TRAM2: variants seen among roughly 807,000 people sequenced by gnomAD.
TRAM2 encodes the protein translocating chain-associated membrane protein 2.
Under a neutral mutation model 51.0 loss-of-function variants are expected in TRAM2, and 12 were observed. The ratio of observed to expected loss-of-function variants is 0.24; its 90% CI spans 0.15 to 0.38. The LOEUF (loss-of-function observed/expected upper bound fraction) is 0.38. TRAM2 is among the 10% of genes least tolerant of loss of function. The pLI is 1.00. For synonymous variants in TRAM2, 175 were observed against 179.4 expected, an observed-to-expected ratio of 0.98 and a Z score of 0.20; for missense variants, 361 against 462.0, an observed-to-expected ratio of 0.78 and a Z score of 2.00.
chr6:52,515,421 C>G (rs914521704), intron 4 of TRAM2, among the ~76,000 whole-genome samples: 5 of 152,186 alleles, frequency 3.3e-5, no homozygotes, highest in Non-Finnish European at 5.9e-5. Flanking sequence ...ATTGTCTGGT[C>G]CTGCAGGCAT....
At chr6:52,517,030 G>A in intron 2 of TRAM2, 1 of 346,854 alleles carries the variant, frequency 2.9e-6, no homozygotes, top group South Asian at 3.4e-5. Flanking sequence ...CAGGGTTAGA[G>A]ACCACCAATC....
intron 1 of TRAM2, among the ~76,000 whole-genome samples, chr6:52,541,874 C>T (rs1311442504): frequency 6.7e-6 from 1 of 149,440 alleles, no homozygotes. Flanking sequence ...GACCAGCCCC[C>T]GGGGGCAGAC....
intron 2 of TRAM2, among the ~76,000 whole-genome samples, chr6:52,535,355 T>C (rs1400165640): frequency 1.3e-5 from 2 of 152,148 alleles, no homozygotes; most frequent in Non-Finnish European, 2.9e-5. Flanking sequence ...ATCTCAGTGG[T>C]GGAGGCTGCC....
intron 10 of TRAM2, among the ~76,000 whole-genome samples, chr6:52,503,868 C>G (rs1377542526): frequency 1.3e-5 from 2 of 152,318 alleles, no homozygotes; most frequent in East Asian, 3.9e-4. Flanking sequence ...TGCCCCATAC[C>G]TCCCCCGCCA....
At chr6:52,504,877 A>G (rs1581866689) in intron 9 of TRAM2, 123 bp from the exon 10 acceptor site, 2 of 808,326 alleles carry the variant, frequency 2.5e-6, no homozygotes, top group East Asian at 5.4e-5. Flanking sequence ...GTCCGCCTTC[A>G]CCACTGGCCC....
In TRAM2 at chr6:52,498,613, T is replaced by C. The variant is rs866019634; in HGVS notation, c.*4584A>G. The C allele has an allele frequency of 6.6e-6, 1 of 152,308 alleles. No individual in the cohort carries two copies. The highest frequency in any genetic ancestry group is 2.4e-5 in the African/African-American group (1 of 41,402). 9.4% of individuals were successfully genotyped at this position (152,308 alleles called of 1,614,324 possible). On this transcript the variant is annotated 3_prime_UTR_variant, in exon 11 of 11. Coordinates refer to ENST00000182527, the MANE Select transcript of TRAM2 (RefSeq NM_012288.4). ...GGGCTTCTCTTAATAGGTATGCTTG[T>C]GGTTGGGCCACCTCACAGACTTCCA...
chr6:52,519,665 G>A (rs1306177403), intron 2 of TRAM2, among the ~76,000 whole-genome samples: 1 of 152,130 alleles, frequency 6.6e-6, no homozygotes, highest in Non-Finnish European at 1.5e-5. Context: ...TTGAAGGCCA[G>A]ATTTCAATAA....
intron 2 of TRAM2, among the ~76,000 whole-genome samples, chr6:52,519,720 C>G (rs569879763): frequency 7.9e-5 from 12 of 151,448 alleles, no homozygotes; most frequent in Non-Finnish European, 1.3e-4. Context: ...TCACAACAGC[C>G]AAAAAGATGG....
chr6:52,532,803 T>C (rs1766914942), intron 2 of TRAM2, among the ~76,000 whole-genome samples: 1 of 149,908 alleles, frequency 6.7e-6, no homozygotes. Flanking sequence ...CATCATATTA[T>C]AAAAACAAAA....
At chr6:52,538,371 G>T (rs2114088496) in intron 1 of TRAM2, among the ~76,000 whole-genome samples, 1 of 150,102 alleles carries the variant, frequency 6.7e-6, no homozygotes, top group South Asian at 2.1e-4. Flanking sequence ...CTGTGTGTGG[G>T]CATAGGATGT....
At position 52,503,182 on chromosome 6, in the gene TRAM2, C is replaced by T; in HGVS notation, c.*15G>A. The T allele has an allele frequency of 6.2e-7, 1 of 1,612,094 alleles. No individual in the cohort carries two copies. Among genetic ancestry groups the T allele is most frequent in the South Asian group, 1.1e-5 (1 of 91,002 alleles). On this transcript the variant is annotated 3_prime_UTR_variant, in exon 11 of 11. Transcript: ENST00000182527. Reference sequence around the variant, plus strand: ...GGCCCCCACCAAGAGGATTCCTGTTCTTAGCACTTTGGCCTTAGGGAGACT... The same window carrying T: ...GGCCCCCACCAAGAGGATTCCTGTTTTTAGCACTTTGGCCTTAGGGAGACT...
chr6:52,532,849 A>C (rs1204071287), intron 2 of TRAM2, among the ~76,000 whole-genome samples: 1 of 152,140 alleles, frequency 6.6e-6, no homozygotes, highest in Non-Finnish European at 1.5e-5. Flanking sequence ...AAACGTTCTA[A>C]CTTTAGTTTT....
intron 2 of TRAM2, among the ~76,000 whole-genome samples, chr6:52,526,541 C>A (rs111305871): frequency 6.6e-6 from 1 of 152,062 alleles, no homozygotes; most frequent in Non-Finnish European, 1.5e-5. Context: ...TGTGCCCCAC[C>A]ACACCCAGCT....
intron 1 of TRAM2, among the ~76,000 whole-genome samples, chr6:52,552,533 C>A (rs1767327372): frequency 6.6e-6 from 1 of 152,218 alleles, no homozygotes; most frequent in South Asian, 2.1e-4. Flanking sequence ...CAGCTGCTCC[C>A]ATCCACCTCA....
intron 2 of TRAM2, among the ~76,000 whole-genome samples, chr6:52,525,566 T>C (rs1449047867): frequency 6.6e-6 from 1 of 152,176 alleles, no homozygotes; most frequent in African/African-American, 2.4e-5. Flanking sequence ...TCCCAGCACT[T>C]TGGGAGGCCA....
intron 10 of TRAM2, among the ~76,000 whole-genome samples, chr6:52,504,240 C>T (rs868378308): frequency 4.6e-5 from 7 of 152,210 alleles, no homozygotes; most frequent in African/African-American, 7.2e-5. Flanking sequence ...GGCCGCCGTC[C>T]GGCACTGAGA....
At chr6:52,571,390 T>C (rs1167933491) in intron 1 of TRAM2, among the ~76,000 whole-genome samples, 1 of 152,198 alleles carries the variant, frequency 6.6e-6, no homozygotes, top group East Asian at 1.9e-4. Context: ...GCAACACATG[T>C]TATTCTACAA....
rs201454334 is a variant in TRAM2, at chr6:52,509,489, G to A, written c.470+39C>T. 1.2e-4 allele frequency: 190 copies of A among 1,605,118 alleles called. 1 individual carries two copies. Among genetic ancestry groups the A allele is most frequent in the Non-Finnish European group, 1.5e-4 (181 of 1,173,130 alleles). ...GCTGGGACAGGAAGGCAGTGGGCCCGGTCGCTCCTCCCTGGGGCTGAGTCA... is the reference window on the plus strand; with the variant it reads ...GCTGGGACAGGAAGGCAGTGGGCCCAGTCGCTCCTCCCTGGGGCTGAGTCA... On this transcript the variant is annotated intron_variant, in intron 5 of 10. Transcript: ENST00000182527.
chr6:52,535,681 T>C lies in TRAM2; in HGVS notation c.184+102A>G, dbSNP rs972976869. ...GGGTGACAGAGCAGAGACTCCGTCATGGGGGAAAAAAAAAAAATTGTACAC... is the reference window on the plus strand; with the variant it reads ...GGGTGACAGAGCAGAGACTCCGTCACGGGGGAAAAAAAAAAAATTGTACAC... On this transcript the variant is annotated intron_variant, in intron 2 of 10. Transcript: ENST00000182527. 4.9e-6 allele frequency: 5 copies of C among 1,025,692 alleles called. No individual in the cohort carries two copies. The African/African-American group carries it at 8.3e-5, about 17-fold the overall frequency. The allele number at this position is 1,025,692 out of a possible 1,614,324, so 63.5% of individuals were successfully genotyped here.
Sources: gnomAD v4.1 joint callset for allele counts (sites outside exome capture counted in the v4.1 genomes callset) on GRCh38, gnomAD v4.1.1 for gene constraint, MANE v1.5 for transcripts, NCBI Gene and HGNC (gene_info 2026-07-23, HGNC 2026-07-21) for gene names.